Variants in FAM169A observed in about 807,000 individuals in gnomAD.
FAM169A encodes family with sequence similarity 169 member A, also known as soluble lamin-associated protein of 75 kDa.
FAM169A carries 24 observed loss-of-function variants against 75.7 expected under a neutral mutation model. That is an observed-to-expected ratio of 0.32 (90% CI 0.23 to 0.45). The LOEUF (loss-of-function observed/expected upper bound fraction) is 0.45, where lower values mean the gene tolerates loss of function less well. FAM169A is among the 20% of genes least tolerant of loss of function. The pLI is 1.00. For missense variants in FAM169A, 673 were observed against 784.0 expected (o/e 0.86, Z 1.69); for synonymous variants, 271 against 271.0 (o/e 1.00, Z 0.00).
chr5:74,836,008 A>G (rs1203307515), intron 4 of FAM169A, among the ~76,000 whole-genome samples: 1 of 152,184 alleles, frequency 6.6e-6, no homozygotes, highest in Non-Finnish European at 1.5e-5. Context: ...AATCTAACAC[A>G]ATTTGGGGTA....
chr5:74,798,930 C>A, intron 10 of FAM169A: 1 of 762,334 alleles, frequency 1.3e-6, no homozygotes, highest in South Asian at 1.4e-5. Flanking sequence ...CGTAAATCCT[C>A]TGCTCCAAGA....
At chr5:74,831,751 G>T (rs939415508) in intron 5 of FAM169A, among the ~76,000 whole-genome samples, 48 of 152,126 alleles carry the variant, frequency 3.2e-4, no homozygotes, top group Admixed American at 3.1e-3. Flanking sequence ...CTCGACTTGT[G>T]AGGAGTGTGG....
At chr5:74,817,757 T>C (rs1747545123) in intron 5 of FAM169A, among the ~76,000 whole-genome samples, 1 of 152,162 alleles carries the variant, frequency 6.6e-6, no homozygotes, top group South Asian at 2.1e-4. Context: ...AAATTTCAAC[T>C]TACTACAAAG....
chr5:74,821,185 G>A (rs1747749036), intron 5 of FAM169A, among the ~76,000 whole-genome samples: 1 of 152,198 alleles, frequency 6.6e-6, no homozygotes, highest in Non-Finnish European at 1.5e-5. Flanking sequence ...AGAGGACAGA[G>A]CTTATAAAAT....
chr5:74,836,307 A>T (rs1748570651), intron 4 of FAM169A, among the ~76,000 whole-genome samples: 1 of 150,736 alleles, frequency 6.6e-6, no homozygotes, highest in South Asian at 2.1e-4. Flanking sequence ...TAATTTTATT[A>T]TGTTAGATCT....
Position 74,782,969 on chromosome 5 carries a change from C to G in FAM169A, c.1426G>C (p.Glu476Gln). Residue 476 changes from glutamate to glutamine, a missense_variant, in exon 12 of 13, where the codon GAA becomes CAA. Transcript: ENST00000687041. ...TCTACCTCAGGGGGTTTTGAAGATT[C>G]TACCACCAGTGGAACAAGATTTGTA... ...DSTNLVPLVV[E>Q]SSKPPEVDAP... The G allele has an allele frequency of 6.2e-7, 1 of 1,613,868 alleles. No individual in the cohort carries two copies. Among genetic ancestry groups the G allele is most frequent in the African/African-American group, 1.3e-5 (1 of 75,032 alleles).
intron 11 of FAM169A, among the ~76,000 whole-genome samples, chr5:74,785,088 A>C (rs921013560): frequency 1.3e-5 from 2 of 152,142 alleles, no homozygotes; most frequent in Non-Finnish European, 2.9e-5. Flanking sequence ...TTGGAAGCCA[A>C]GGCAGGTGGA....
At chr5:74,817,297 C>T (rs903333418) in intron 5 of FAM169A, among the ~76,000 whole-genome samples, 1 of 151,328 alleles carries the variant, frequency 6.6e-6, no homozygotes, top group Non-Finnish European at 1.5e-5. Flanking sequence ...TATAGAAAAT[C>T]CTAAGGAATC....
At position 74,859,276 on chromosome 5, in the gene FAM169A, G is replaced by A. The variant is rs189906400; in HGVS notation, c.-4+6889C>T. Among the ~76,000 whole-genome samples, 589 of 148,452 alleles carry A rather than the reference G, an allele frequency of 4.0e-3. 2 individuals are homozygous for A. Among genetic ancestry groups the A allele is most frequent in the African/African-American group, 0.014 (567 of 40,580 alleles). ...ATTAATACACAAACTAACAAAAAAT[G>A]AAGGTTTTCTCTTTTTTTTTTTTTT... On this transcript the variant is annotated intron_variant, in intron 1 of 12. Transcript: ENST00000687041.
intron 11 of FAM169A, among the ~76,000 whole-genome samples, chr5:74,790,677 G>GGCC (rs1745929255): frequency 6.6e-6 from 1 of 152,298 alleles, no homozygotes; most frequent in African/African-American, 2.4e-5. Flanking sequence ...ATGGGTCCAT[G>GGCC]AACAAAGTGG....
intron 11 of FAM169A, among the ~76,000 whole-genome samples, chr5:74,794,812 C>G (rs58159376): frequency 0.024 from 3,584 of 150,720 alleles, 146 homozygotes; most frequent in African/African-American, 0.083. Context: ...CAAAAATTAG[C>G]CGGGCGTGTT....
At chr5:74,829,223 C>T (rs1024559153) in intron 5 of FAM169A, among the ~76,000 whole-genome samples, 2 of 152,142 alleles carry the variant, frequency 1.3e-5, no homozygotes, top group Non-Finnish European at 2.9e-5. Flanking sequence ...GTTTTTGTTA[C>T]ACATGAAGTA....
In FAM169A at chr5:74,781,487, A is replaced by G; in HGVS notation, c.1986T>C (p.Pro662=). The change falls in exon 13 of 13, where the codon CCT becomes CCC. Residue 662 remains proline (P), a synonymous_variant. Coordinates refer to ENST00000687041, the MANE Select transcript of FAM169A (RefSeq NM_001376049.1). ...LRRKAKGHKG[P]AKKKAKLT is the part of the protein sequence containing the mutation. ...AGGTCAGCTTAGCTTTCTTCTTAGC[A>G]GGTCCTTTATGCCCTTTGGCCTTTC... The G allele has an allele frequency of 6.2e-7, 1 of 1,614,038 alleles. No individual in the cohort carries two copies. The highest frequency in any genetic ancestry group is 1.1e-5 in the South Asian group (1 of 91,078).
intron 11 of FAM169A, among the ~76,000 whole-genome samples, chr5:74,794,106 G>C (rs1395743054): frequency 1.3e-5 from 2 of 151,594 alleles, no homozygotes; most frequent in South Asian, 2.1e-4. Context: ...ACTTTGGGAG[G>C]CCGAGAGGAG....
intron 1 of FAM169A, among the ~76,000 whole-genome samples, chr5:74,843,077 A>C (rs1748967619): frequency 6.6e-6 from 1 of 152,126 alleles, no homozygotes; most frequent in Non-Finnish European, 1.5e-5. Flanking sequence ...GGGCGGGGGC[A>C]GCAAAGTAAA....
At chr5:74,856,566 T>C (rs952841442) in intron 1 of FAM169A, among the ~76,000 whole-genome samples, 4 of 152,068 alleles carry the variant, frequency 2.6e-5, no homozygotes, top group African/African-American at 7.2e-5. Context: ...TACTCCAAAA[T>C]AGAGCTAGGG....
intron 1 of FAM169A, among the ~76,000 whole-genome samples, chr5:74,860,200 T>C (rs1749961884): frequency 6.6e-6 from 1 of 152,196 alleles, no homozygotes; most frequent in Non-Finnish European, 1.5e-5. Context: ...CTGCACTGAG[T>C]AGTAACTACT....
intron 10 of FAM169A, chr5:74,800,082 T>C: frequency 1.5e-6 from 1 of 664,312 alleles, no homozygotes; most frequent in Admixed American, 1.9e-5. Flanking sequence ...AATTTGAAGC[T>C]GAGTGAGCCT....
intron 6 of FAM169A, among the ~76,000 whole-genome samples, chr5:74,811,134 C>A (rs957523442): frequency 6.6e-6 from 1 of 152,010 alleles, no homozygotes; most frequent in Non-Finnish European, 1.5e-5. Context: ...CAGACATGTG[C>A]CACCATGCCC....
Sources: gnomAD v4.1 joint callset for allele counts (sites outside exome capture counted in the v4.1 genomes callset) on GRCh38, gnomAD v4.1.1 for gene constraint, MANE v1.5 for transcripts, NCBI Gene and HGNC (gene_info 2026-07-23, HGNC 2026-07-21) for gene names.